EIF4E3: variants seen among roughly 807,000 people sequenced by gnomAD.
The protein encoded by EIF4E3 is eukaryotic translation initiation factor 4E family member 3.
In EIF4E3, 26 loss-of-function variants were observed where a neutral mutation model predicts 31.7. The ratio of observed to expected loss-of-function variants is 0.82; its 90% CI spans 0.60 to 1.14. EIF4E3 has a LOEUF of 1.14. EIF4E3 is among the 50% of genes most tolerant of loss of function. The pLI, the probability that EIF4E3 is intolerant of heterozygous loss-of-function variation, is 0.00. For synonymous variants in EIF4E3, 128 were observed against 107.7 expected (o/e 1.19, Z -1.17); for missense variants, 304 against 270.9 (o/e 1.12, Z -0.86).
chr3:71,725,331 C>A lies in EIF4E3; in HGVS notation c.37G>T (p.Ala13Ser). The A allele has an allele frequency of 1.0e-6, 1 of 970,518 alleles. No individual in the cohort carries two copies. Among genetic ancestry groups the A allele is most frequent in the Non-Finnish European group, 1.2e-6 (1 of 819,166 alleles). The allele number at this position is 970,518 out of a possible 1,614,324, so 60.1% of individuals were successfully genotyped here. The change falls in exon 1 of 7, where the codon GCC (alanine) becomes TCC (serine). Residue 13 changes from alanine (A) to serine (S), a missense_variant. Ala to Ser is a moderately conservative substitution (Grantham distance 99, BLOSUM62 1). Transcript: ENST00000425534. The surrounding 1 kb of genome is among the most constrained non-coding windows in gnomAD (Gnocchi z 6.1). The part of the protein sequence containing the change: ...LPPAAAPPAG[A>S]REPPGSRAAA... ...GCGCGGGACCCCGGCGGCTCCCGGG[C>A]CCCGGCGGGGGGCGCGGCGGCCGGG... is the stretch of plus-strand genomic sequence containing the variant.
downstream of EIF4E3, among the ~76,000 whole-genome samples, chr3:71,673,441 G>T (rs923209565): frequency 2.2e-4 from 34 of 152,130 alleles, no homozygotes; most frequent in South Asian, 2.1e-3. Flanking sequence ...AACAGCCTCT[G>T]TGGTTACTGA....
chr3:71,725,437 G>T, upstream of EIF4E3: 3 of 853,058 alleles, frequency 3.5e-6, no homozygotes, highest in Non-Finnish European at 4.2e-6. The surrounding 1 kb of genome is among the most constrained non-coding windows in gnomAD (Gnocchi z 6.1). Context: ...GTCACCCCCG[G>T]CCCCCGCCCC....
At chr3:71,669,935 A>G in the EIF4E3 span, among the ~76,000 whole-genome samples, 1 of 152,252 alleles carries the variant, frequency 6.6e-6, no homozygotes, top group Admixed American at 6.5e-5. Flanking sequence ...TAATTCTGCT[A>G]CATAAACACA....
chr3:71,662,998 C>G, the EIF4E3 span, among the ~76,000 whole-genome samples: 1 of 152,092 alleles, frequency 6.6e-6, no homozygotes, highest in African/African-American at 2.4e-5. Context: ...AGCTTACCTC[C>G]AGTGTTTACA....
chr3:71,691,529 G>T (rs1352320485), intron 5 of EIF4E3, among the ~76,000 whole-genome samples: 1 of 152,160 alleles, frequency 6.6e-6, no homozygotes, highest in Non-Finnish European at 1.5e-5. Flanking sequence ...AGCCTATAAT[G>T]TTAGAAGTTA....
chr3:71,667,838 T>G, the EIF4E3 span, among the ~76,000 whole-genome samples: 2 of 152,164 alleles, frequency 1.3e-5, no homozygotes, highest in Non-Finnish European at 2.9e-5. Context: ...CCAAAGTAAT[T>G]TATAGATTCA....
At chr3:71,720,011 C>G (rs944973161) in intron 1 of EIF4E3, among the ~76,000 whole-genome samples, 1 of 150,604 alleles carries the variant, frequency 6.6e-6, no homozygotes, top group Non-Finnish European at 1.5e-5. Context: ...ATGCCTGTCT[C>G]AAAATATATA....
chr3:71,674,740 T>C (rs1419921125), downstream of EIF4E3, among the ~76,000 whole-genome samples: 1 of 152,160 alleles, frequency 6.6e-6, no homozygotes, highest in Non-Finnish European at 1.5e-5. Flanking sequence ...TATGGATGAA[T>C]TGATACAGCC....
upstream of EIF4E3, among the ~76,000 whole-genome samples, chr3:71,727,534 C>T (rs1008975801): frequency 1.4e-4 from 21 of 152,238 alleles, no homozygotes; most frequent in African/African-American, 5.1e-4. Context: ...AATAATGCTA[C>T]CATAAGTATT....
chr3:71,705,966 T>G (rs1189336676), intron 2 of EIF4E3, among the ~76,000 whole-genome samples: 1 of 152,128 alleles, frequency 6.6e-6, no homozygotes, highest in African/African-American at 2.4e-5. Flanking sequence ...CCACTGAGGA[T>G]GCAAAATCAC....
At position 71,710,432 on chromosome 3, in the gene EIF4E3, A is replaced by C; in HGVS notation, c.229T>G (p.Tyr77Asp). The change falls in exon 2 of 7, where the codon TAC becomes GAC. Residue 77 changes from tyrosine (Y) to aspartate (D), a missense_variant. Physicochemically the swap from Tyr to Asp is radical, Grantham distance 160. Coordinates refer to ENST00000425534, the MANE Select transcript of EIF4E3 (RefSeq NM_001134651.2). ...AECASNLKKI[Y>D]TVQTVQIFWS... ...CTTACCTGTACTGTCTGTACTGTGT[A>C]GATTTTCTTCAGATTTGATGCGCAC... 1 of 1,552,184 alleles carries C rather than the reference A, an allele frequency of 6.4e-7. No homozygotes were observed. The highest frequency in any genetic ancestry group is 8.7e-7 in the Non-Finnish European group (1 of 1,147,098).
chr3:71,692,324 G>A (rs1191039342), intron 5 of EIF4E3, among the ~76,000 whole-genome samples: 3 of 152,236 alleles, frequency 2.0e-5, no homozygotes, highest in African/African-American at 7.2e-5. Flanking sequence ...AGAGCTAATG[G>A]TTAATAGTTA....
At chr3:71,693,822 C>T in intron 5 of EIF4E3, 53 bp downstream of exon 5, 1 of 1,426,530 alleles carries the variant, frequency 7.0e-7, no homozygotes, top group South Asian at 1.4e-5. Flanking sequence ...AAGAAACAAG[C>T]ACAAGCCAGG....
Position 71,684,173 on chromosome 3 carries a change from T to G in EIF4E3, c.*509A>C, listed in dbSNP as rs1229858037. On this transcript the variant is annotated 3_prime_UTR_variant, in exon 7 of 7. Coordinates refer to ENST00000425534, the MANE Select transcript of EIF4E3 (RefSeq NM_001134651.2). ...GAAAAAAACAATGCCCAGCTCACAGTACATAGGAATGTGTCACAACAAATA... is the reference window on the plus strand; with the variant it reads ...GAAAAAAACAATGCCCAGCTCACAGGACATAGGAATGTGTCACAACAAATA... 2 of 152,896 alleles carry G rather than the reference T, an allele frequency of 1.3e-5. No homozygotes were observed. Among genetic ancestry groups the G allele is most frequent in the African/African-American group, 2.4e-5 (1 of 41,472 alleles). 9.5% of individuals were successfully genotyped at this position (152,896 alleles called of 1,614,324 possible). A position where few individuals can be genotyped will look rare whatever the true frequency, so the allele number is the denominator to read the frequency against.
At chr3:71,673,010 CCGGTGTCAGCA>C (rs1277489441), downstream of EIF4E3, among the ~76,000 whole-genome samples, 1 of 152,244 alleles carries the variant, frequency 6.6e-6, no homozygotes, top group East Asian at 1.9e-4. Flanking sequence ...AGGGCTGAAC[CCGGTGTCAGCA>C]CGTGCTTCTG....
At chr3:71,688,929 T>G (rs1231002572) in intron 6 of EIF4E3, among the ~76,000 whole-genome samples, 1 of 152,192 alleles carries the variant, frequency 6.6e-6, no homozygotes, top group African/African-American at 2.4e-5. Flanking sequence ...ATTATATGAT[T>G]CCTTACAGGG....
At position 71,685,370 on chromosome 3, in the gene EIF4E3, A is replaced by T. The variant is rs186916725; in HGVS notation, c.629-642T>A. Among the ~76,000 whole-genome samples, 1,327 of 152,184 alleles carry T rather than the reference A, an allele frequency of 8.7e-3. 12 individuals carry two copies. Among genetic ancestry groups the T allele is most frequent in the Non-Finnish European group, 0.013 (891 of 68,010 alleles). Reference sequence around the variant, plus strand: ...ATTAGGAACTCTAGAATATATATATATTTTTTTGAGACGTAGTTTTGCTCT... The same window carrying T: ...ATTAGGAACTCTAGAATATATATATTTTTTTTTGAGACGTAGTTTTGCTCT... On this transcript the variant is annotated intron_variant, in intron 6 of 6. Coordinates refer to ENST00000425534, the MANE Select transcript of EIF4E3 (RefSeq NM_001134651.2).
chr3:71,666,729 G>T, the EIF4E3 span, among the ~76,000 whole-genome samples: 1 of 152,108 alleles, frequency 6.6e-6, no homozygotes, highest in East Asian at 1.9e-4. Context: ...CTGAGGTCAG[G>T]AGTTCAACAC....
chr3:71,693,919 A>G lies in EIF4E3; in HGVS notation c.428T>C (p.Leu143Pro), dbSNP rs2049098047. 15 of 1,586,360 alleles carry G rather than the reference A, an allele frequency of 9.5e-6. No individual in the cohort carries two copies. The highest frequency in any genetic ancestry group is 1.1e-5 in the Non-Finnish European group (13 of 1,165,978). Residue 143 changes from leucine (L) to proline (P), a missense_variant, in exon 5 of 7, where the codon CTG (leucine) becomes CCG (proline). Coordinates refer to ENST00000425534, the MANE Select transcript of EIF4E3 (RefSeq NM_001134651.2). ...GAACTGTTCCCCGATGGTTGCTAACAGCAACTCTTTCCAAACTGTGGACTG... is the reference window on the plus strand; with the variant it reads ...GAACTGTTCCCCGATGGTTGCTAACGGCAACTCTTTCCAAACTGTGGACTG... ...DSTSTVWKEL[L>P]LATIGEQFTD...
Sources: allele counts gnomAD v4.1 joint callset (sites outside exome capture counted in the v4.1 genomes callset), GRCh38; gene constraint gnomAD v4.1.1; non-coding constraint Gnocchi (gnomAD v3.1); transcripts MANE v1.5; gene names NCBI Gene and HGNC (gene_info 2026-07-23, HGNC 2026-07-21).